ADAM7: variants seen among roughly 807,000 people sequenced by gnomAD.
ADAM7 encodes the protein disintegrin and metalloproteinase domain-containing protein 7.
Under a neutral mutation model 102.9 loss-of-function variants are expected in ADAM7, and 97 were observed. That is an observed-to-expected ratio of 0.94 (90% CI 0.80 to 1.12). The LOEUF (loss-of-function observed/expected upper bound fraction) is 1.12. Among genes scored for constraint, ADAM7 ranks in the 50% most tolerant of loss-of-function variants. The pLI is 0.00. For missense variants in ADAM7, 991 were observed against 908.7 expected, an observed-to-expected ratio of 1.09 and a Z score of -1.16; for synonymous variants, 334 against 304.4, an observed-to-expected ratio of 1.10 and a Z score of -1.01.
At chr8:24,449,718 C>T (rs1818707318) in intron 3 of ADAM7, among the ~76,000 whole-genome samples, 2 of 152,236 alleles carry the variant, frequency 1.3e-5, no homozygotes, top group South Asian at 4.1e-4. Flanking sequence ...ACATGAAGTC[C>T]TTGCCCATGC....
At chr8:24,450,516 G>A (rs915424514) in intron 3 of ADAM7, among the ~76,000 whole-genome samples, 1 of 151,986 alleles carries the variant, frequency 6.6e-6, no homozygotes, top group Non-Finnish European at 1.5e-5. Context: ...CTGAGACTTT[G>A]CTGAAGTTGC....
chr8:24,446,953 A>G (rs1818582586), intron 2 of ADAM7, among the ~76,000 whole-genome samples: 1 of 150,458 alleles, frequency 6.6e-6, no homozygotes, highest in African/African-American at 2.4e-5. Flanking sequence ...TTTATATTTT[A>G]TTCTAATATA....
In ADAM7 at chr8:24,499,313, T is replaced by C; in HGVS notation, c.1920T>C (p.Asn640=). The change falls in exon 17 of 22, where the codon AAT becomes AAC. Residue 640 remains asparagine (N), a synonymous_variant. Coordinates refer to ENST00000175238, the MANE Select transcript of ADAM7 (RefSeq NM_003817.4). ...ATTGCCCCTCTCAGTGCAATGAAAA[T>C]CCTGTAAGATATGACTGCTTTCAAA... The part of the protein sequence containing the change: ...STNCPSQCNE[N]PVDGHGLQCH... 1 of 1,596,892 alleles carries C rather than the reference T, an allele frequency of 6.3e-7. No individual in the cohort carries two copies. Among genetic ancestry groups the C allele is most frequent in the Non-Finnish European group, 8.5e-7 (1 of 1,171,664 alleles).
chr8:24,489,363 G>T (rs756989330), intron 12 of ADAM7, 30 bp downstream of exon 12: 6 of 1,581,426 alleles, frequency 3.8e-6, no homozygotes, highest in Non-Finnish European at 5.2e-6. Context: ...TCTTTAAATT[G>T]CAAAATTTAT....
At chr8:24,485,997 GACC>G (rs1438963405) in intron 10 of ADAM7, among the ~76,000 whole-genome samples, 1 of 152,122 alleles carries the variant, frequency 6.6e-6, no homozygotes, top group Non-Finnish European at 1.5e-5. Context: ...TTATTTAAAT[GACC>G]ACATGACTTA....
chr8:24,458,583 A>C (rs1374868568), intron 3 of ADAM7, among the ~76,000 whole-genome samples: 4 of 152,078 alleles, frequency 2.6e-5, no homozygotes, highest in Non-Finnish European at 5.9e-5. Flanking sequence ...GAAATTTACC[A>C]TCTTGTCATC....
chr8:24,482,015 C>T, intron 8 of ADAM7, 127 bp from the exon 9 acceptor site: 3 of 644,822 alleles, frequency 4.7e-6, no homozygotes, highest in Non-Finnish European at 2.6e-6. Flanking sequence ...ATGAGGCTTG[C>T]ACTGTTTACT....
At position 24,500,235 on chromosome 8, in the gene ADAM7, G is replaced by A. The variant is rs749629145; in HGVS notation, c.1981G>A (p.Glu661Lys). 18 of 1,611,206 alleles carry A rather than the reference G, an allele frequency of 1.1e-5. No individual in the cohort carries two copies. Among genetic ancestry groups the A allele is most frequent in the Non-Finnish European group, 1.3e-5 (15 of 1,177,964 alleles). ...CEEGQAPVAC[E>K]ETLHVTNITI... Reference sequence around the variant, plus strand: ...GGAAGGACAGGCACCTGTAGCCTGTGAAGAAACCTTACATGTTACCAGTGA... The same window carrying A: ...GGAAGGACAGGCACCTGTAGCCTGTAAAGAAACCTTACATGTTACCAGTGA... Residue 661 changes from glutamate (E) to lysine (K), a missense_variant, in exon 18 of 22, where the codon GAA (glutamate) becomes AAA (lysine). By Grantham distance (56) the Glu-to-Lys change is moderately conservative. Transcript: ENST00000175238.
At chr8:24,472,634 AAC>A (rs1484412238) in intron 7 of ADAM7, among the ~76,000 whole-genome samples, 6 of 152,196 alleles carry the variant, frequency 3.9e-5, no homozygotes, top group Non-Finnish European at 8.8e-5. Flanking sequence ...TGTCAATTTA[AAC>A]AGTTTTATTA....
intron 6 of ADAM7, 39 bp downstream of exon 6, chr8:24,467,027 CCTTTT>C: frequency 2.6e-6 from 4 of 1,543,974 alleles, no homozygotes; most frequent in Non-Finnish European, 3.6e-6. Flanking sequence ...AAATGAAACA[CCTTTT>C]ATTTTCTTGA....
At chr8:24,488,412 A>G (rs73223159) in intron 11 of ADAM7, among the ~76,000 whole-genome samples, 2,660 of 152,296 alleles carry the variant, frequency 0.017, 40 homozygotes, top group Non-Finnish European at 0.025. Flanking sequence ...GTGGTGATCA[A>G]TGCTTCCACA....
At chr8:24,468,653 T>G (rs1819508459) in intron 6 of ADAM7, 114 bp from the exon 7 acceptor site, 1 of 844,844 alleles carries the variant, frequency 1.2e-6, no homozygotes, top group South Asian at 1.6e-5. Context: ...CTCCCCATTT[T>G]GTATCAATAT....
At position 24,509,389 on chromosome 8, in the gene ADAM7, C is replaced by T. The variant is rs1326644293; in HGVS notation, c.*843C>T. ...GGGATTACCCTGGGAATGATTTCAG[C>T]TGCTTCTTACACAGATGCCTCTCAA... On this transcript the variant is annotated 3_prime_UTR_variant, in exon 22 of 22. Transcript: ENST00000175238. The T allele has an allele frequency of 1.0e-6, 1 of 985,432 alleles. No homozygotes were observed. Among genetic ancestry groups the T allele is most frequent in the African/African-American group, 1.7e-5 (1 of 57,366 alleles). The allele number at this position is 985,432 out of a possible 1,614,324, so 61.0% of individuals were successfully genotyped here. A position where few individuals can be genotyped will look rare whatever the true frequency, so the allele number is the denominator to read the frequency against.
chr8:24,474,236 A>C (rs1294552575), intron 7 of ADAM7, among the ~76,000 whole-genome samples: 3 of 152,204 alleles, frequency 2.0e-5, no homozygotes, highest in African/African-American at 7.2e-5. Flanking sequence ...AAAATTAGTA[A>C]GTTCTAAGCA....
chr8:24,475,669 T>A (rs1563384805), intron 7 of ADAM7, among the ~76,000 whole-genome samples: 1 of 152,076 alleles, frequency 6.6e-6, no homozygotes, highest in African/African-American at 2.4e-5. Context: ...AGGACAGCAA[T>A]GGCATGGTAA....
At chr8:24,442,200 AT>A (rs760531573) in intron 1 of ADAM7, among the ~76,000 whole-genome samples, 24 of 152,156 alleles carry the variant, frequency 1.6e-4, no homozygotes, top group Non-Finnish European at 2.8e-4. Context: ...GAAACAAAAA[AT>A]AAAATTACAG....
At chr8:24,495,401 A>G (rs1037480413) in intron 16 of ADAM7, among the ~76,000 whole-genome samples, 1 of 152,198 alleles carries the variant, frequency 6.6e-6, no homozygotes, top group African/African-American at 2.4e-5. Flanking sequence ...AATAAATGAA[A>G]AAAATAGAAG....
At chr8:24,454,600 G>A (rs527610164) in intron 3 of ADAM7, among the ~76,000 whole-genome samples, 107 of 152,268 alleles carry the variant, frequency 7.0e-4, no homozygotes, top group African/African-American at 2.0e-3. Context: ...GATCCCTTGC[G>A]CTTCCCGGGG....
intron 16 of ADAM7, among the ~76,000 whole-genome samples, chr8:24,497,514 AG>A (rs1820600468): frequency 6.6e-6 from 1 of 152,238 alleles, no homozygotes; most frequent in African/African-American, 2.4e-5. Context: ...GTAAGTTAGA[AG>A]CTAAACTTCT....
Sources: gnomAD v4.1 joint callset for allele counts (sites outside exome capture counted in the v4.1 genomes callset) on GRCh38, gnomAD v4.1.1 for gene constraint, MANE v1.5 for transcripts, NCBI Gene and HGNC (gene_info 2026-07-23, HGNC 2026-07-21) for gene names.